The following PLCB4 variants were observed in gnomAD, a reference collection of about 807,000 sequenced individuals.
PLCB4 encodes the protein 1-phosphatidylinositol 4,5-bisphosphate phosphodiesterase beta-4.
In PLCB4, 77 loss-of-function variants were observed where a neutral mutation model predicts 178.8. The ratio of observed to expected loss-of-function variants is 0.43; its 90% CI spans 0.36 to 0.52. The LOEUF (loss-of-function observed/expected upper bound fraction) is 0.52, where lower values mean the gene tolerates loss of function less well. PLCB4 is among the 20% of genes least tolerant of loss of function. The pLI is 0.00. For synonymous variants in PLCB4, 496 were observed against 490.8 expected, an observed-to-expected ratio of 1.01 and a Z score of -0.14; for missense variants, 1,024 against 1,453.4, an observed-to-expected ratio of 0.70 and a Z score of 4.80.
At chr20:9,460,009 C>T (rs554736693) in intron 35 of PLCB4, among the ~76,000 whole-genome samples, 199 bp downstream of exon 35, 1 of 152,214 alleles carries the variant, frequency 6.6e-6, no homozygotes, top group African/African-American at 2.4e-5. Context: ...TGCAGTGGCT[C>T]ACACCTGTAA....
intron 4 of PLCB4, among the ~76,000 whole-genome samples, chr20:9,314,801 AC>A (rs148512475): frequency 6.6e-6 from 1 of 151,282 alleles, no homozygotes; most frequent in Non-Finnish European, 1.5e-5. Flanking sequence ...GGACCCCAAG[AC>A]CCTCACAGCC....
chr20:9,225,290 T>C (rs2147314430), intron 3 of PLCB4, among the ~76,000 whole-genome samples: 1 of 152,348 alleles, frequency 6.6e-6, no homozygotes, highest in African/African-American at 2.4e-5. Flanking sequence ...CCATAAATTA[T>C]AGTAGTGGGA....
chr20:9,285,936 T>C (rs1206716947), intron 3 of PLCB4, among the ~76,000 whole-genome samples: 1 of 152,036 alleles, frequency 6.6e-6, no homozygotes, highest in African/African-American at 2.4e-5. Context: ...ATCTTTTCTA[T>C]CTTGGGAGCC....
intron 4 of PLCB4, among the ~76,000 whole-genome samples, chr20:9,322,104 C>T (rs530450765): frequency 6.6e-6 from 1 of 151,138 alleles, no homozygotes; most frequent in South Asian, 2.1e-4. Flanking sequence ...GGCAGAGCCA[C>T]CACACCCAGG....
intron 3 of PLCB4, among the ~76,000 whole-genome samples, chr20:9,232,275 T>C (rs1181558014): frequency 1.3e-5 from 2 of 152,164 alleles, no homozygotes; most frequent in Non-Finnish European, 2.9e-5. Flanking sequence ...ATATAGCACA[T>C]ACCTTAATAA....
chr20:9,207,329 G>A (rs936519000), intron 2 of PLCB4, among the ~76,000 whole-genome samples: 1 of 152,164 alleles, frequency 6.6e-6, no homozygotes, highest in African/African-American at 2.4e-5. Flanking sequence ...TAGGCAAGGG[G>A]CCCTAGTACA....
intron 9 of PLCB4, among the ~76,000 whole-genome samples, chr20:9,368,545 G>A (rs1460613588): frequency 1.3e-5 from 2 of 152,182 alleles, no homozygotes; most frequent in Non-Finnish European, 2.9e-5. Context: ...AGCCGCAGGT[G>A]CCGTCTTGGA....
intron 25 of PLCB4, among the ~76,000 whole-genome samples, chr20:9,417,951 T>G (rs2040367236): frequency 6.6e-6 from 1 of 152,190 alleles, no homozygotes; most frequent in Non-Finnish European, 1.5e-5. Flanking sequence ...CTCTGATGAC[T>G]AATGATGTTA....
chr20:9,333,122 A>G (rs577162495), intron 4 of PLCB4, among the ~76,000 whole-genome samples: 1 of 152,306 alleles, frequency 6.6e-6, no homozygotes, highest in African/African-American at 2.4e-5. Context: ...TGTTTTACAT[A>G]TTGGCCTGCT....
chr20:9,077,051 A>G (rs989842038), intron 1 of PLCB4, among the ~76,000 whole-genome samples: 14 of 152,136 alleles, frequency 9.2e-5, no homozygotes, highest in African/African-American at 2.9e-4. Flanking sequence ...CTTATTACAT[A>G]TACTGGATCA....
intron 2 of PLCB4, among the ~76,000 whole-genome samples, chr20:9,184,610 A>C (rs1204277347): frequency 1.3e-5 from 2 of 151,970 alleles, no homozygotes; most frequent in Non-Finnish European, 2.9e-5. Flanking sequence ...AAAAAAAAAA[A>C]AAAAAAAAAA....
At chr20:9,197,531 A>G (rs1338503164) in intron 2 of PLCB4, among the ~76,000 whole-genome samples, 1 of 152,228 alleles carries the variant, frequency 6.6e-6, no homozygotes, top group African/African-American at 2.4e-5. Context: ...AATTGGTTTT[A>G]CCTTGTCGAA....
intron 3 of PLCB4, among the ~76,000 whole-genome samples, chr20:9,255,814 G>A (rs2094228147): frequency 6.6e-6 from 1 of 152,068 alleles, no homozygotes; most frequent in Non-Finnish European, 1.5e-5. Context: ...GTGGCTGAGT[G>A]CAAATAAGTC....
chr20:9,427,745 G>T (rs755924804), intron 28 of PLCB4, among the ~76,000 whole-genome samples: 1 of 152,198 alleles, frequency 6.6e-6, no homozygotes, highest in African/African-American at 2.4e-5. Flanking sequence ...TGCTTTGGGT[G>T]GGTTTTATCA....
intron 25 of PLCB4, among the ~76,000 whole-genome samples, chr20:9,417,314 G>C (rs2040318308): frequency 6.6e-6 from 1 of 152,106 alleles, no homozygotes; most frequent in Admixed American, 6.6e-5. Flanking sequence ...ACATTGTGTA[G>C]TGAGGGTAAT....
chr20:9,325,888 TA>T (rs1241075157), intron 4 of PLCB4, among the ~76,000 whole-genome samples: 2 of 152,208 alleles, frequency 1.3e-5, no homozygotes, highest in Non-Finnish European at 2.9e-5. Context: ...TCGGCAGCTA[TA>T]AACAACACAT....
chr20:9,443,948 T>C, intron 30 of PLCB4, 33 bp from the exon 31 acceptor site: 1 of 1,258,228 alleles, frequency 7.9e-7, no homozygotes, highest in Non-Finnish European at 1.1e-6. Flanking sequence ...ATTTTTAGTA[T>C]ACATAGTGAC....
chr20:9,334,467 A>G (rs1349199632), intron 4 of PLCB4, among the ~76,000 whole-genome samples: 1 of 152,168 alleles, frequency 6.6e-6, no homozygotes, highest in Non-Finnish European at 1.5e-5. Flanking sequence ...AAGGAAATAT[A>G]AGATTAAACG....
chr20:9,191,618 A>G (rs1163706669), intron 2 of PLCB4, among the ~76,000 whole-genome samples: 1 of 152,148 alleles, frequency 6.6e-6, no homozygotes, highest in Non-Finnish European at 1.5e-5. Flanking sequence ...CTATTTCTCC[A>G]TCTGTCCTGT....
Sources: gnomAD v4.1 joint callset for allele counts (sites outside exome capture counted in the v4.1 genomes callset) on GRCh38, gnomAD v4.1.1 for gene constraint, MANE v1.5 for transcripts, NCBI Gene and HGNC (gene_info 2026-07-23, HGNC 2026-07-21) for gene names.